BAZ1B: variants seen among roughly 807,000 people sequenced by gnomAD.
BAZ1B encodes bromodomain adjacent to zinc finger domain 1B.
Under a neutral mutation model 153.8 loss-of-function variants are expected in BAZ1B, and 22 were observed. That is an observed-to-expected ratio of 0.14 (90% CI 0.10 to 0.20). The LOEUF (loss-of-function observed/expected upper bound fraction) is 0.20. Ranked by LOEUF, BAZ1B falls within the 10% of genes least tolerant of loss-of-function variation. The pLI, the probability that BAZ1B is intolerant of heterozygous loss-of-function variation, is 1.00. For missense variants in BAZ1B, 1,325 were observed against 1,799.3 expected, an observed-to-expected ratio of 0.74 and a Z score of 4.77; for synonymous variants, 676 against 633.4, an observed-to-expected ratio of 1.07 and a Z score of -1.01.
At chr7:73,464,072 T>C in intron 11 of BAZ1B, 6 of 892,752 alleles carry the variant, frequency 6.7e-6, no homozygotes, top group Non-Finnish European at 8.0e-6. Flanking sequence ...GAATACAGTT[T>C]TACTTAATTT....
rs1030808995 is a variant in BAZ1B, at chr7:73,473,383, T to G, written c.2594-2900A>C. 9.9e-5 allele frequency among the ~76,000 whole-genome samples: 15 copies of G among 152,264 alleles called. 1 individual carries two copies. In the South Asian group the frequency reaches 1.7e-3, roughly 17 times the overall value. ...GCCTAACCAACATGGTGAATCCCCA[T>G]CTCTACTAAAAATACAAAAATTAGC... is the stretch of plus-strand genomic sequence containing the variant. On this transcript the variant is annotated intron_variant, in intron 7 of 19. Transcript: ENST00000339594.
At chr7:73,494,716 A>G (rs1789805452) in intron 4 of BAZ1B, among the ~76,000 whole-genome samples, 1 of 152,108 alleles carries the variant, frequency 6.6e-6, no homozygotes, top group African/African-American at 2.4e-5. Flanking sequence ...ACCACTGCAC[A>G]CCAGCCTAGA....
intron 1 of BAZ1B, among the ~76,000 whole-genome samples, chr7:73,520,851 C>T (rs1791006527): frequency 6.6e-6 from 1 of 152,178 alleles, no homozygotes; most frequent in African/African-American, 2.4e-5. Flanking sequence ...AACACATTAG[C>T]CTTCACTCTT....
At chr7:73,459,426 C>A in intron 13 of BAZ1B, 110 bp downstream of exon 13, 1 of 1,083,384 alleles carries the variant, frequency 9.2e-7, no homozygotes, top group East Asian at 2.4e-5. Flanking sequence ...CAAAAACACT[C>A]ACTCAGGGCA....
intron 13 of BAZ1B, among the ~76,000 whole-genome samples, chr7:73,458,410 T>TCA (rs1554569845): frequency 1.3e-5 from 2 of 152,156 alleles, no homozygotes; most frequent in Admixed American, 6.5e-5. Context: ...ACGTGGTGGT[T>TCA]CACACCTGTA....
intron 3 of BAZ1B, among the ~76,000 whole-genome samples, chr7:73,505,125 A>G (rs1245454377): frequency 6.6e-6 from 1 of 152,148 alleles, no homozygotes; most frequent in Non-Finnish European, 1.5e-5. Context: ...CCCCCGCTGC[A>G]GCTCTGGGTG....
At position 73,442,511 on chromosome 7, in the gene BAZ1B, C is replaced by T. The variant is rs370432590; in HGVS notation, c.4137G>A (p.Val1379=). 3 of 1,613,974 alleles carry T rather than the reference C, an allele frequency of 1.9e-6. No individual in the cohort carries two copies. Among genetic ancestry groups the T allele is most frequent in the Non-Finnish European group, 2.5e-6 (3 of 1,180,028 alleles). Residue 1379 remains valine, a synonymous_variant, in exon 19 of 20, where the codon GTG becomes GTA. Transcript: ENST00000339594. The stretch of plus-strand genomic sequence containing the variant: ...TCTGAAAGTCCATGGGGTGCGTGAT[C>T]ACATCATAGTAGTCCTCGGCCTCAT... ...TRDEAEDYYD[V]ITHPMDFQTV...
In BAZ1B at chr7:73,453,267, T is replaced by C. The variant is rs140156533; in HGVS notation, c.3433-2273A>G. ...CTGAACTACTTAGTAGGCAACCTAG[T>C]TGATTTTCCAAGAAACTCTTCCATG... On this transcript the variant is annotated intron_variant, in intron 13 of 19. Transcript: ENST00000339594. 6.3e-3 allele frequency among the ~76,000 whole-genome samples: 962 copies of C among 152,364 alleles called. 12 individuals carry two copies. The highest frequency in any genetic ancestry group is 0.022 in the African/African-American group (918 of 41,586).
rs2074754 is a variant in BAZ1B at position 73,477,424 on chromosome 7, C to T, written c.2037G>A (p.Ser679=). The change falls in exon 7 of 20, where the codon TCG becomes TCA. Residue 679 remains serine (S), a synonymous_variant. Transcript: ENST00000339594. This position sits in a 1 kb window ranked among gnomAD's most constrained non-coding sequence, Gnocchi z 5.6. The stretch of plus-strand genomic sequence containing the variant: ...CAGAATGCAGAGTCAAGGGGATTTC[C>T]GACAGCTTCATTCCCAATTCACCAT... ...EDYGELGMKL[S]EIPLTLHSVS... is the part of the protein sequence containing the mutation. 738,237 of 1,614,026 alleles carry T rather than the reference C, an allele frequency of 0.46. 175,232 individuals carry two copies. The highest frequency in any genetic ancestry group is 0.48 in the Non-Finnish European group (563,744 of 1,179,978).
Position 73,492,861 on chromosome 7 carries a change from T to C in BAZ1B, c.632A>G (p.Lys211Arg), listed in dbSNP as rs781930261. The change falls in exon 5 of 20, where the codon AAA (lysine) becomes AGA (arginine). Residue 211 changes from lysine (K) to arginine (R), a missense_variant. Around this residue, in one of 9 missense-constraint regions of BAZ1B, gnomAD observed 153 missense variants for 204.8 expected, o/e 0.75. Transcript: ENST00000339594. ...AGGCAGAAATTTTGGAGGAGCCCATTTCCTTTCTCCTTTTTTTAATGAAGT... is the reference window on the plus strand; with the variant it reads ...AGGCAGAAATTTTGGAGGAGCCCATCTCCTTTCTCCTTTTTTTAATGAAGT... ...LPTSLKKGER[K>R]WAPPKFLPHK... 41 of 1,611,308 alleles carry C rather than the reference T, an allele frequency of 2.5e-5. No individual in the cohort carries two copies. The highest frequency in any genetic ancestry group is 1.8e-4 in the Middle Eastern group (1 of 5,488).
intron 6 of BAZ1B, among the ~76,000 whole-genome samples, chr7:73,488,685 A>T (rs1280657154): frequency 6.6e-6 from 1 of 150,558 alleles, no homozygotes; most frequent in African/African-American, 2.4e-5. Flanking sequence ...ACTGCACTCC[A>T]GCCTGGGTGA....
At chr7:73,512,443 G>A (rs376247683) in intron 1 of BAZ1B, among the ~76,000 whole-genome samples, 2 of 151,936 alleles carry the variant, frequency 1.3e-5, no homozygotes, top group African/African-American at 2.4e-5. Context: ...GAAGTATTCC[G>A]GAAAGTACTT....
intron 7 of BAZ1B, among the ~76,000 whole-genome samples, chr7:73,473,581 C>A (rs1050331480): frequency 2.0e-5 from 3 of 152,110 alleles, no homozygotes; most frequent in African/African-American, 7.2e-5. Context: ...GGAAAGTACA[C>A]ATTACATATG....
intron 13 of BAZ1B, among the ~76,000 whole-genome samples, chr7:73,459,108 C>A (rs1270411437): frequency 1.3e-5 from 2 of 151,788 alleles, no homozygotes; most frequent in African/African-American, 4.8e-5. Flanking sequence ...ATTAGCTGGG[C>A]GTGGTGGCAC....
chr7:73,447,016 A>G (rs1787862160), intron 16 of BAZ1B, among the ~76,000 whole-genome samples: 1 of 152,204 alleles, frequency 6.6e-6, no homozygotes, highest in Non-Finnish European at 1.5e-5. Context: ...CATGAATTCT[A>G]CTAAATCTTA....
At chr7:73,517,051 T>G (rs1790835987) in intron 1 of BAZ1B, among the ~76,000 whole-genome samples, 1 of 150,498 alleles carries the variant, frequency 6.6e-6, no homozygotes, top group South Asian at 2.1e-4. Flanking sequence ...GGCGTGGTGG[T>G]GGGTGCCTGT....
chr7:73,522,119 G>A lies in BAZ1B; in HGVS notation c.-186C>T. The A allele has an allele frequency of 2.4e-6, 1 of 412,812 alleles. No individual in the cohort carries two copies. Among genetic ancestry groups the A allele is most frequent in the Non-Finnish European group, 4.2e-6 (1 of 239,826 alleles). 25.6% of individuals were successfully genotyped at this position (412,812 alleles called of 1,614,324 possible). ...CCGCGCGACAGTCATGGAGCGGAAC[G>A]CCACGGCGCAGAGCTCCCGCGCACA... On this transcript the variant is annotated 5_prime_UTR_variant, in exon 1 of 20. Coordinates refer to ENST00000339594, the MANE Select transcript of BAZ1B (RefSeq NM_032408.4).
intron 13 of BAZ1B, 130 bp downstream of exon 13, chr7:73,459,402 AACAC>A (rs1360392275): frequency 3.5e-6 from 3 of 857,536 alleles, no homozygotes; most frequent in Non-Finnish European, 5.2e-6. Context: ...AAAAAAAAAA[AACAC>A]ACACACACAC....
intron 15 of BAZ1B, among the ~76,000 whole-genome samples, chr7:73,449,123 C>G (rs574935705): frequency 2.0e-5 from 3 of 152,234 alleles, no homozygotes; most frequent in Admixed American, 2.0e-4. Context: ...GAGAGATGTT[C>G]ATTTCCAAGT....
Sources: allele counts gnomAD v4.1 joint callset (sites outside exome capture counted in the v4.1 genomes callset), GRCh38; gene constraint gnomAD v4.1.1; regional missense constraint gnomAD v4.1.1; non-coding constraint Gnocchi (gnomAD v3.1); transcripts MANE v1.5; gene names NCBI Gene and HGNC (gene_info 2026-07-23, HGNC 2026-07-21).